The following CUZD1 variants were observed in gnomAD, a reference collection of about 807,000 sequenced individuals.
CUZD1 encodes CUB and zona pellucida like domains 1.
In CUZD1, 42 loss-of-function variants were observed where a neutral mutation model predicts 53.1. That is an observed-to-expected ratio of 0.79 (90% CI 0.62 to 1.02). The LOEUF (loss-of-function observed/expected upper bound fraction) is 1.02, where lower values mean the gene tolerates loss of function less well. Ranked by LOEUF, CUZD1 falls within the 50% of genes least tolerant of loss-of-function variation. CUZD1 has a pLI of 0.00. For synonymous variants in CUZD1, 238 were observed against 257.2 expected, an observed-to-expected ratio of 0.93 and a Z score of 0.71; for missense variants, 670 against 715.7, an observed-to-expected ratio of 0.94 and a Z score of 0.73.
chr10:122,834,634 A>C, intron 7 of CUZD1, 72 bp downstream of exon 7: 1 of 1,329,300 alleles, frequency 7.5e-7, no homozygotes, highest in Non-Finnish European at 1.0e-6. Flanking sequence ...CACAACACAA[A>C]AAATTACTTT....
chr10:122,841,280 G>A lies in CUZD1; in HGVS notation c.131C>T (p.Thr44Ile). ...GAGTTGCAGGATCATGGCTTTGTGG[G>A]TCTCTGCCATATTGGCACCCCCTAG... ...VSLGGANMAETHKAMILQLNP... is the reference protein window; with the variant it reads ...VSLGGANMAEIHKAMILQLNP... Residue 44 changes from threonine to isoleucine, a missense_variant, in exon 2 of 9, where the codon ACC becomes ATC. Thr to Ile is a moderately conservative substitution (Grantham distance 89, BLOSUM62 -1). Transcript: ENST00000392790. 3 of 1,613,932 alleles carry A rather than the reference G, an allele frequency of 1.9e-6. No homozygotes were observed. Among genetic ancestry groups the A allele is most frequent in the Non-Finnish European group, 2.5e-6 (3 of 1,179,902 alleles).
rs145142432 is a variant in CUZD1 at position 122,840,009 on chromosome 10, C to T, written c.234-778G>A. On this transcript the variant is annotated intron_variant, in intron 2 of 8. Coordinates refer to ENST00000392790, the MANE Select transcript of CUZD1 (RefSeq NM_022034.6). ...TTTATAATATTCTGAATATGAAGCA[C>T]CTGCCACAGGCCTGGCACATAGGTG... Among the ~76,000 whole-genome samples the T allele has an allele frequency of 4.3e-3, 657 of 152,290 alleles. 3 individuals are homozygous for T. The highest frequency in any genetic ancestry group is 0.014 in the African/African-American group (591 of 41,556).
intron 5 of CUZD1, 92 bp downstream of exon 5, chr10:122,836,739 G>C: frequency 2.1e-6 from 2 of 947,076 alleles, no homozygotes; most frequent in Non-Finnish European, 3.3e-6. Flanking sequence ...CTTGCAAATA[G>C]GAATAGCCAC....
intron 2 of CUZD1, 149 bp from the exon 3 acceptor site, chr10:122,839,380 A>G (rs1847301319): frequency 3.1e-6 from 2 of 645,852 alleles, no homozygotes; most frequent in Non-Finnish European, 5.4e-6. Flanking sequence ...CACCAACCCC[A>G]CCATCCTCAA....
Position 122,841,087 on chromosome 10 carries a change from A to C in CUZD1, c.233+91T>G, listed in dbSNP as rs187844224. ...CAGTGTCACTACCACCTCTAGCAGC[A>C]GCTGAATTCTTTCTACAGAGAGTCC... On this transcript the variant is annotated intron_variant, in intron 2 of 8. Transcript: ENST00000392790. 9.1e-6 allele frequency: 11 copies of C among 1,204,046 alleles called. 1 individual carries two copies. The East Asian group carries it at 2.6e-4, about 28-fold the overall frequency. The allele number at this position is 1,204,046 out of a possible 1,614,324, so 74.6% of individuals were successfully genotyped here. A position where few individuals can be genotyped will look rare whatever the true frequency, so the allele number is the denominator to read the frequency against.
At chr10:122,842,306 G>A (rs963793046) in intron 1 of CUZD1, among the ~76,000 whole-genome samples, 1 of 152,166 alleles carries the variant, frequency 6.6e-6, no homozygotes, top group African/African-American at 2.4e-5. Flanking sequence ...TGTAAGAAAT[G>A]AGGCTTAGGT....
chr10:122,833,843 C>A lies in CUZD1; in HGVS notation c.1480G>T (p.Val494Leu), dbSNP rs1220294212. Reference protein sequence around the residue: ...AFKFLRSMSSVYLQCKVLICD... With the variant: ...AFKFLRSMSSLYLQCKVLICD... ...ATCAAAACTTTACACTGCAGATACA[C>A]AGAGCTCATACTTCTCAAGAATTTA... The change falls in exon 8 of 9, where the codon GTG becomes TTG. Residue 494 changes from valine to leucine, a missense_variant. Transcript: ENST00000392790. 3 of 1,613,940 alleles carry A rather than the reference C, an allele frequency of 1.9e-6. No homozygotes were observed. Among genetic ancestry groups the A allele is most frequent in the Non-Finnish European group, 2.5e-6 (3 of 1,179,966 alleles).
At position 122,833,665 on chromosome 10, in the gene CUZD1, T is replaced by C. The variant is rs1379112543; in HGVS notation, c.1651+7A>G. 3 of 1,611,450 alleles carry C rather than the reference T, an allele frequency of 1.9e-6. No homozygotes were observed. The East Asian group carries it at 6.7e-5, about 36-fold the overall frequency. ...GCTTTTGGATCATGGAATAGCTTTT[T>C]TCTTACCTGAATTGCCACTTGCACT... On this transcript the variant is annotated splice_region_variant and intron_variant, in intron 8 of 8. Coordinates refer to ENST00000392790, the MANE Select transcript of CUZD1 (RefSeq NM_022034.6).
chr10:122,834,642 T>C (rs1410196960), intron 7 of CUZD1, 64 bp downstream of exon 7: 34 of 1,371,422 alleles, frequency 2.5e-5, no homozygotes, highest in Non-Finnish European at 3.3e-5. Context: ...AAAAAATTAC[T>C]TTATTGAAAT....
chr10:122,845,364 C>A (rs893112610), intron 1 of CUZD1, among the ~76,000 whole-genome samples: 1 of 152,100 alleles, frequency 6.6e-6, no homozygotes, highest in African/African-American at 2.4e-5. Flanking sequence ...CGTGAGCCAC[C>A]GCCCCCAGCC....
chr10:122,839,376 C>T (rs749725716), intron 2 of CUZD1, 145 bp from the exon 3 acceptor site: 1 of 658,970 alleles, frequency 1.5e-6, no homozygotes, highest in Non-Finnish European at 2.6e-6. Flanking sequence ...CAATCACCAA[C>T]CCCACCATCC....
chr10:122,833,487 G>A (rs1173038274), intron 8 of CUZD1, among the ~76,000 whole-genome samples, 185 bp downstream of exon 8: 2 of 152,098 alleles, frequency 1.3e-5, no homozygotes, highest in Non-Finnish European at 2.9e-5. Context: ...TGCTTACACT[G>A]TACATGGTAT....
intron 1 of CUZD1, among the ~76,000 whole-genome samples, chr10:122,841,676 A>G (rs573927441): frequency 4.5e-4 from 68 of 152,348 alleles, no homozygotes; most frequent in Non-Finnish European, 7.8e-4. Flanking sequence ...TTAACTGCAT[A>G]AGAAACTGCC....
intron 1 of CUZD1, among the ~76,000 whole-genome samples, chr10:122,845,230 C>T (rs545518494): frequency 6.6e-6 from 1 of 152,226 alleles, no homozygotes; most frequent in African/African-American, 2.4e-5. Flanking sequence ...GCACGCATCA[C>T]CACACCTGGC....
intron 1 of CUZD1, among the ~76,000 whole-genome samples, chr10:122,845,468 A>G (rs1336599858): frequency 6.6e-6 from 1 of 152,208 alleles, no homozygotes; most frequent in Non-Finnish European, 1.5e-5. Context: ...ACAATTATGT[A>G]AGTGCACATA....
At chr10:122,838,743 C>T (rs1158484782) in intron 3 of CUZD1, among the ~76,000 whole-genome samples, 1 of 152,198 alleles carries the variant, frequency 6.6e-6, no homozygotes, top group Non-Finnish European at 1.5e-5. Context: ...CCCCTTGTCT[C>T]TGCCTCATCT....
intron 1 of CUZD1, among the ~76,000 whole-genome samples, chr10:122,844,684 A>G (rs181535224): frequency 5.3e-5 from 8 of 152,288 alleles, no homozygotes; most frequent in African/African-American, 1.9e-4. Flanking sequence ...CCTGGGCAAC[A>G]TAGTGAAAAT....
At chr10:122,840,082 C>T (rs542490732) in intron 2 of CUZD1, among the ~76,000 whole-genome samples, 7 of 152,232 alleles carry the variant, frequency 4.6e-5, no homozygotes, top group Non-Finnish European at 1.0e-4. Flanking sequence ...GCTCTTCCCA[C>T]AATTTCTCTT....
Position 122,833,786 on chromosome 10 carries a change from T to C in CUZD1, c.1537A>G (p.Asn513Asp). ...TTGCTTCTGGAGACACAACCTTGAT[T>C]GCAGCGAGACTGGTGGTCACTGCTA... The part of the protein sequence containing the change: ...CDSSDHQSRC[N>D]QGCVSRSKRD... The change falls in exon 8 of 9, where the codon AAT becomes GAT. Residue 513 changes from asparagine to aspartate, a missense_variant. Transcript: ENST00000392790. The C allele has an allele frequency of 6.2e-7, 1 of 1,614,118 alleles. No homozygotes were observed. The highest frequency in any genetic ancestry group is 1.3e-5 in the African/African-American group (1 of 75,046).
Sources: allele counts gnomAD v4.1 joint callset (sites outside exome capture counted in the v4.1 genomes callset), GRCh38; gene constraint gnomAD v4.1.1; transcripts MANE v1.5; gene names NCBI Gene and HGNC (gene_info 2026-07-23, HGNC 2026-07-21).